DPP6: variants seen among roughly 807,000 people sequenced by gnomAD.
DPP6 encodes the protein dipeptidyl peptidase like 6.
DPP6 carries 69 observed loss-of-function variants against 122.6 expected under a neutral mutation model. That is an observed-to-expected ratio of 0.56 (90% CI 0.46 to 0.69). The LOEUF (loss-of-function observed/expected upper bound fraction) is 0.69. DPP6 is among the 30% of genes least tolerant of loss of function. DPP6 has a pLI of 0.00. For missense variants in DPP6, 928 were observed against 1,116.9 expected, an observed-to-expected ratio of 0.83 and a Z score of 2.41; for synonymous variants, 418 against 433.1, an observed-to-expected ratio of 0.97 and a Z score of 0.43.
chr7:154,390,886 GC>G (rs1347104272), intron 1 of DPP6, among the ~76,000 whole-genome samples: 3 of 152,218 alleles, frequency 2.0e-5, no homozygotes, highest in African/African-American at 7.2e-5. Flanking sequence ...TCACTTGCAG[GC>G]CCCGAGTCTC....
At chr7:154,305,536 G>T in intron 1 of DPP6, 1 of 1,603,824 alleles carries the variant, frequency 6.2e-7, no homozygotes, top group African/African-American at 1.3e-5. Context: ...GGAAATCCGT[G>T]CAGCAGCAGG....
chr7:154,801,781 C>T (rs563221185), intron 13 of DPP6, among the ~76,000 whole-genome samples: 2 of 152,270 alleles, frequency 1.3e-5, no homozygotes, highest in East Asian at 3.9e-4. Flanking sequence ...TTCCTTCTCC[C>T]TCTGCTGAGG....
intron 2 of DPP6, among the ~76,000 whole-genome samples, chr7:154,468,900 T>G (rs1822018712): frequency 6.6e-6 from 1 of 152,206 alleles, no homozygotes. Context: ...TTTATAGACA[T>G]AAGTCTGGAG....
intron 1 of DPP6, among the ~76,000 whole-genome samples, chr7:153,983,650 T>C (rs1051583735): frequency 4.6e-5 from 7 of 151,624 alleles, no homozygotes; most frequent in African/African-American, 7.3e-5. Flanking sequence ...CCCAGTTTTG[T>C]GCTTGAAAGC....
rs139990163 is a variant in DPP6, at chr7:154,421,575, C to T, written c.244-24639C>T. The stretch of plus-strand genomic sequence containing the variant: ...CTGACCTCAGGTGATCTGCCCACCT[C>T]GGCCTCCCAAAACGCTGGGATTACG... On this transcript the variant is annotated intron_variant, in intron 1 of 25. Coordinates refer to ENST00000377770, the MANE Select transcript of DPP6 (RefSeq NM_130797.4). Among the ~76,000 whole-genome samples the T allele has an allele frequency of 3.0e-3, 453 of 152,218 alleles. 2 individuals are homozygous for T. Among genetic ancestry groups the T allele is most frequent in the African/African-American group, 0.01 (427 of 41,534 alleles).
At chr7:154,806,873 G>C in intron 15 of DPP6, 121 bp from the exon 16 acceptor site, 1 of 1,336,842 alleles carries the variant, frequency 7.5e-7, no homozygotes, top group South Asian at 1.5e-5. Flanking sequence ...AGAGGCCCGG[G>C]GGGTCTGTAG....
chr7:154,129,060 C>T (rs1173741372), intron 1 of DPP6, among the ~76,000 whole-genome samples: 11 of 152,056 alleles, frequency 7.2e-5, no homozygotes, highest in African/African-American at 2.4e-4. Flanking sequence ...CACCACCCCC[C>T]GACACACCCC....
At position 154,483,879 on chromosome 7, in the gene DPP6, G is replaced by A. The variant is rs1586416915; in HGVS notation, c.457+8842G>A. ...CTAGCTAATTTTTGTATTTTTAGCA[G>A]AGACAGGGTTTCCCCATATTGCTCA... is the stretch of plus-strand genomic sequence containing the variant. On this transcript the variant is annotated intron_variant, in intron 3 of 25. Coordinates refer to ENST00000377770, the MANE Select transcript of DPP6 (RefSeq NM_130797.4). This position sits in a 1 kb window ranked among gnomAD's most constrained non-coding sequence, Gnocchi z 8.1. Among the ~76,000 whole-genome samples, 1 of 152,178 alleles carries A rather than the reference G, an allele frequency of 6.6e-6. No homozygotes were observed. Among genetic ancestry groups the A allele is most frequent in the African/African-American group, 2.4e-5 (1 of 41,452 alleles).
rs1456529119 is a variant in DPP6, at chr7:154,849,183, G to GA, written c.1667-4590dup. On this transcript the variant is annotated intron_variant, in intron 16 of 25. Coordinates refer to ENST00000377770, the MANE Select transcript of DPP6 (RefSeq NM_130797.4). ...CATATGAATTTTAGGATTTTTCTGT[G>GA]AAAAAAATCAATTTCCTTCTGTTTC... 6.6e-5 allele frequency among the ~76,000 whole-genome samples: 10 copies of GA among 152,054 alleles called. No individual in the cohort carries two copies. In the East Asian group the frequency reaches 7.7e-4, roughly 12 times the overall value.
chr7:154,231,877 C>T (rs568319669), intron 1 of DPP6, among the ~76,000 whole-genome samples: 1 of 152,166 alleles, frequency 6.6e-6, no homozygotes, highest in African/African-American at 2.4e-5. Context: ...TACTTGTAGC[C>T]CTTGAGGTCA....
At chr7:153,821,991 T>A in the DPP6 span, among the ~76,000 whole-genome samples, 86 of 152,160 alleles carry the variant, frequency 5.7e-4, no homozygotes, top group South Asian at 1.9e-3. Context: ...TCAGGTCTTC[T>A]GTAGCTAAAT....
chr7:154,553,469 G>A (rs1280442943), intron 4 of DPP6, among the ~76,000 whole-genome samples: 2 of 152,178 alleles, frequency 1.3e-5, no homozygotes, highest in Admixed American at 6.5e-5. Flanking sequence ...GATATTTTGA[G>A]TGCTTACGGT....
At chr7:154,620,408 T>C (rs1450807189) in intron 5 of DPP6, among the ~76,000 whole-genome samples, 1 of 152,200 alleles carries the variant, frequency 6.6e-6, no homozygotes, top group Non-Finnish European at 1.5e-5. Flanking sequence ...TTAAAATTCA[T>C]CTCAAAGGCA....
chr7:153,870,356 ATTC>A, the DPP6 span, among the ~76,000 whole-genome samples: 1 of 152,050 alleles, frequency 6.6e-6, no homozygotes, highest in Non-Finnish European at 1.5e-5. Flanking sequence ...GTTTCTTTTT[ATTC>A]TTTTTTCTCT....
chr7:154,504,170 G>T (rs990534006), intron 3 of DPP6, among the ~76,000 whole-genome samples: 2 of 148,246 alleles, frequency 1.3e-5, no homozygotes, highest in Non-Finnish European at 3.0e-5. Context: ...AGTGGCTAAG[G>T]ATACACTTTT....
intron 1 of DPP6, among the ~76,000 whole-genome samples, chr7:153,890,476 G>C (rs762886018): frequency 6.6e-6 from 1 of 152,076 alleles, no homozygotes; most frequent in Non-Finnish European, 1.5e-5. Flanking sequence ...CCTCCCGGCT[G>C]GTCCTTGCCA....
chr7:154,787,632 C>A (rs1797416419), intron 10 of DPP6, among the ~76,000 whole-genome samples: 2 of 152,166 alleles, frequency 1.3e-5, no homozygotes, highest in South Asian at 4.1e-4. Context: ...AAAAGAAATT[C>A]ATTGGTTTGC....
chr7:154,305,677 T>A, intron 1 of DPP6: 1 of 1,392,504 alleles, frequency 7.2e-7, no homozygotes, highest in Non-Finnish European at 9.7e-7. Flanking sequence ...TTTTGTATTT[T>A]GTATTGGTTT....
intron 1 of DPP6, among the ~76,000 whole-genome samples, chr7:154,371,711 G>C (rs1812691346): frequency 6.6e-6 from 1 of 152,144 alleles, no homozygotes; most frequent in African/African-American, 2.4e-5. Flanking sequence ...AGGATTTCAG[G>C]AACCAGGGAG....
Sources: gnomAD v4.1 joint callset for allele counts (sites outside exome capture counted in the v4.1 genomes callset) on GRCh38, gnomAD v4.1.1 for gene constraint, Gnocchi (gnomAD v3.1) non-coding constraint, MANE v1.5 for transcripts, NCBI Gene and HGNC (gene_info 2026-07-23, HGNC 2026-07-21) for gene names.